Variants in RRP12 observed in about 807,000 individuals in gnomAD.
RRP12 encodes ribosomal RNA processing 12 homolog.
Under a neutral mutation model 157.3 loss-of-function variants are expected in RRP12, and 78 were observed. The observed-to-expected ratio is 0.50, with a 90% CI of 0.41 to 0.60. The LOEUF (loss-of-function observed/expected upper bound fraction) is 0.60. RRP12 is among the 20% of genes least tolerant of loss of function. The probability of loss-of-function intolerance (pLI) is 0.00; values close to 1 mark genes in which losing one functional copy is unlikely to be tolerated. For missense variants in RRP12, 1,521 were observed against 1,679.9 expected, an observed-to-expected ratio of 0.91 and a Z score of 1.65; for synonymous variants, 726 against 670.9, an observed-to-expected ratio of 1.08 and a Z score of -1.27.
At chr10:97,396,699 G>A (rs1347213907) in intron 2 of RRP12, among the ~76,000 whole-genome samples, 1 of 152,136 alleles carries the variant, frequency 6.6e-6, no homozygotes, top group African/African-American at 2.4e-5. Flanking sequence ...ACCAAAATCC[G>A]AGGATGCTCA....
rs1479865348 is a variant in RRP12 at position 97,357,113 on chromosome 10, C to T, written c.3875G>A (p.Arg1292Lys). 6.2e-7 allele frequency: 1 copy of T among 1,612,654 alleles called. No homozygotes were observed. The highest frequency in any genetic ancestry group is 2.2e-5 in the East Asian group (1 of 44,800). ...TGGGCCTCAGGGTCGACGATCCTTT[C>T]TGCGGTTTTTGTGTCCCACCTGGGA... ...RGSQVGHKNRRKDRRP is the reference protein window; with the variant it reads ...RGSQVGHKNRKKDRRP The change falls in exon 34 of 34, where the codon AGA (arginine) becomes AAA (lysine). Residue 1292 changes from arginine to lysine, a missense_variant. Physicochemically the swap from Arg to Lys is conservative, Grantham distance 26 (BLOSUM62 2). Coordinates refer to ENST00000370992, the MANE Select transcript of RRP12 (RefSeq NM_015179.4).
intron 15 of RRP12, among the ~76,000 whole-genome samples, chr10:97,374,700 A>T (rs188504437): frequency 5.5e-4 from 78 of 141,502 alleles, no homozygotes; most frequent in Admixed American, 3.0e-3. Context: ...TGAACCCGGG[A>T]GGTGGAGCTT....
At chr10:97,385,781 C>A in intron 9 of RRP12, 114 bp downstream of exon 9, 1 of 749,726 alleles carries the variant, frequency 1.3e-6, no homozygotes, top group Non-Finnish European at 2.3e-6. Flanking sequence ...ACTAGGACAA[C>A]CCAGCCCAGC....
chr10:97,356,996 T>C lies in RRP12; in HGVS notation c.*98A>G. 1.4e-6 allele frequency: 1 copy of C among 692,334 alleles called. No individual in the cohort carries two copies. The highest frequency in any genetic ancestry group is 2.7e-5 in the East Asian group (1 of 37,444). The allele number at this position is 692,334 out of a possible 1,614,324, so 42.9% of individuals were successfully genotyped here. Reference sequence around the variant, plus strand: ...GTTCCAAGTCATCCTGAGTCCAGGCTCTGCCAGAATCTTGAGCACCTGGAG... The same window carrying C: ...GTTCCAAGTCATCCTGAGTCCAGGCCCTGCCAGAATCTTGAGCACCTGGAG... On this transcript the variant is annotated 3_prime_UTR_variant, in exon 34 of 34. Transcript: ENST00000370992.
intron 10 of RRP12, among the ~76,000 whole-genome samples, chr10:97,384,794 T>A (rs535855584): frequency 5.9e-4 from 87 of 147,678 alleles, no homozygotes; most frequent in African/African-American, 2.1e-3. Flanking sequence ...CTCGGCAGCC[T>A]GGACAGAGGC....
At chr10:97,390,673 T>C (rs1248337131) in intron 5 of RRP12, 66 bp downstream of exon 5, 9 of 1,402,206 alleles carry the variant, frequency 6.4e-6, no homozygotes, top group Non-Finnish European at 9.1e-6. Flanking sequence ...AGGGAACATC[T>C]AAGCATCACC....
intron 31 of RRP12, among the ~76,000 whole-genome samples, chr10:97,360,279 G>A (rs749686116): frequency 8.5e-5 from 13 of 152,190 alleles, no homozygotes; most frequent in African/African-American, 2.7e-4. Context: ...AGGCCTGGGC[G>A]GGTGGGAAGG....
intron 31 of RRP12, 25 bp from the exon 32 acceptor site, chr10:97,359,035 A>G: frequency 6.2e-7 from 1 of 1,602,982 alleles, no homozygotes; most frequent in Non-Finnish European, 8.5e-7. Context: ...CAGGACCATG[A>G]GTCAGGCAAA....
At position 97,390,742 on chromosome 10, in the gene RRP12, T is replaced by C; in HGVS notation, c.633A>G (p.Arg211=). 3 of 1,606,080 alleles carry C rather than the reference T, an allele frequency of 1.9e-6. No individual in the cohort carries two copies. Among genetic ancestry groups the C allele is most frequent in the Non-Finnish European group, 2.6e-6 (3 of 1,172,770 alleles). ...AAACTAAACCCCAGACACTAACCCA[T>C]CGGAGGACAGAGGTGGAGCCGCTGC... The part of the protein sequence containing the change: ...QASSGSTSVL[R]WVLSCLATLL... Residue 211 remains arginine (R), a synonymous_variant, in exon 5 of 34, where the codon CGA becomes CGG. Coordinates refer to ENST00000370992, the MANE Select transcript of RRP12 (RefSeq NM_015179.4).
Position 97,373,754 on chromosome 10 carries a change from C to T in RRP12, c.1864-17G>A. Reference sequence around the variant, plus strand: ...TGTCCACATCTGGAGAAGGAGGGGACAATAAAGGAAGGTGACACGCAGCCA... The same window carrying T: ...TGTCCACATCTGGAGAAGGAGGGGATAATAAAGGAAGGTGACACGCAGCCA... On this transcript the variant is annotated splice_polypyrimidine_tract_variant and intron_variant, in intron 16 of 33. Coordinates refer to ENST00000370992, the MANE Select transcript of RRP12 (RefSeq NM_015179.4). The T allele has an allele frequency of 6.2e-7, 1 of 1,612,424 alleles. No homozygotes were observed. The highest frequency in any genetic ancestry group is 8.5e-7 in the Non-Finnish European group (1 of 1,178,648).
At position 97,366,575 on chromosome 10, in the gene RRP12, C is replaced by T; in HGVS notation, c.3262G>A (p.Glu1088Lys). The stretch of plus-strand genomic sequence containing the variant: ...TCCTTGCCTCGGCTTCTTTCCTCCT[C>T]CTCATTGTCCTCCTCGTCCTCTGAG... ...ADSEDEEDNE[E>K]EERSRGKEQR... The change falls in exon 28 of 34, where the codon GAG becomes AAG. Residue 1088 changes from glutamate (E) to lysine (K), a missense_variant. By Grantham distance (56) the Glu-to-Lys change is moderately conservative. Coordinates refer to ENST00000370992, the MANE Select transcript of RRP12 (RefSeq NM_015179.4). The T allele has an allele frequency of 6.2e-7, 1 of 1,614,114 alleles. No individual in the cohort carries two copies. The highest frequency in any genetic ancestry group is 8.5e-7 in the Non-Finnish European group (1 of 1,180,030).
chr10:97,394,614 T>C (rs1356915601), intron 3 of RRP12, among the ~76,000 whole-genome samples: 4 of 152,152 alleles, frequency 2.6e-5, no homozygotes, highest in African/African-American at 9.7e-5. Context: ...GGTGTCGAAC[T>C]CCTAGCCTCA....
At chr10:97,377,443 C>T (rs1268015936) in intron 15 of RRP12, among the ~76,000 whole-genome samples, 1 of 152,094 alleles carries the variant, frequency 6.6e-6, no homozygotes, top group East Asian at 1.9e-4. Flanking sequence ...GCAGGAGAAT[C>T]GCTTGAATCT....
chr10:97,358,784 T>C, intron 32 of RRP12, 159 bp downstream of exon 32: 2 of 784,452 alleles, frequency 2.5e-6, no homozygotes, highest in South Asian at 1.5e-5. Context: ...CCATTTCAGA[T>C]GCCACAAGGT....
chr10:97,374,041 T>C lies in RRP12; in HGVS notation c.1799-147A>G. Reference sequence around the variant, plus strand: ...CCATGAATTAAATCATACTTGTTCATTCTAAAATACTCAAATGAACCTATA... The same window carrying C: ...CCATGAATTAAATCATACTTGTTCACTCTAAAATACTCAAATGAACCTATA... On this transcript the variant is annotated intron_variant, in intron 15 of 33. Transcript: ENST00000370992. The C allele has an allele frequency of 9.0e-6, 6 of 664,748 alleles. 1 individual carries two copies. The South Asian group carries it at 1.0e-4, about 11-fold the overall frequency. 41.2% of individuals were successfully genotyped at this position (664,748 alleles called of 1,614,324 possible). A position where few individuals can be genotyped will look rare whatever the true frequency, so the allele number is the denominator to read the frequency against.
chr10:97,399,835 T>C (rs1474146268), intron 2 of RRP12, among the ~76,000 whole-genome samples: 1 of 151,894 alleles, frequency 6.6e-6, no homozygotes, highest in Non-Finnish European at 1.5e-5. Flanking sequence ...GGAGGATTGC[T>C]TGGGCCTGGG....
intron 29 of RRP12, among the ~76,000 whole-genome samples, chr10:97,365,527 C>G (rs1843951329): frequency 6.6e-6 from 1 of 151,988 alleles, no homozygotes; most frequent in Non-Finnish European, 1.5e-5. Context: ...CGCGCCTTGG[C>G]CTCCCAAAGT....
chr10:97,373,843 G>A lies in RRP12; in HGVS notation c.1850C>T (p.Thr617Ile), dbSNP rs1399785308. ...GSTVESKIYD[T>I]LQWQMWTLLP... ...GCTGACCCTTACCTGCCACTGGAGTGTGTCGTAGATCTTAGATTCCACTGT... is the reference window on the plus strand; with the variant it reads ...GCTGACCCTTACCTGCCACTGGAGTATGTCGTAGATCTTAGATTCCACTGT... Residue 617 changes from threonine (T) to isoleucine (I), a missense_variant, in exon 16 of 34, where the codon ACA becomes ATA. By Grantham distance (89) the Thr-to-Ile change is moderately conservative (BLOSUM62 -1). Coordinates refer to ENST00000370992, the MANE Select transcript of RRP12 (RefSeq NM_015179.4). The A allele has an allele frequency of 1.9e-6, 3 of 1,613,768 alleles. No individual in the cohort carries two copies. Among genetic ancestry groups the A allele is most frequent in the Admixed American group, 1.7e-5 (1 of 59,996 alleles).
At position 97,373,396 on chromosome 10, in the gene RRP12, G is replaced by A. The variant is rs372554029; in HGVS notation, c.2026+179C>T. 1.8e-4 allele frequency among the ~76,000 whole-genome samples: 28 copies of A among 152,274 alleles called. No individual in the cohort carries two copies. In the East Asian group the frequency reaches 5.2e-3, roughly 28 times the overall value. ...CCCCAGTGGCCCATGGTCCTCGATG[G>A]CTCCAACCCCAGGGAGCCAGCAAAG... On this transcript the variant is annotated intron_variant, in intron 17 of 33. Transcript: ENST00000370992.
Sources: gnomAD v4.1 joint callset for allele counts (sites outside exome capture counted in the v4.1 genomes callset) on GRCh38, gnomAD v4.1.1 for gene constraint, MANE v1.5 for transcripts, NCBI Gene and HGNC (gene_info 2026-07-23, HGNC 2026-07-21) for gene names.